Variants in CDH3 observed in about 807,000 individuals in gnomAD.
The protein encoded by CDH3 is cadherin-3.
In CDH3, 54 loss-of-function variants were observed where a neutral mutation model predicts 82.0. The ratio of observed to expected loss-of-function variants is 0.66; its 90% CI spans 0.53 to 0.83. The LOEUF (loss-of-function observed/expected upper bound fraction) is 0.83. Among genes scored for constraint, CDH3 ranks in the 40% least tolerant of loss-of-function variants. The probability of loss-of-function intolerance (pLI) is 0.00; values close to 1 mark genes in which losing one functional copy is unlikely to be tolerated. For missense variants in CDH3, 1,054 were observed against 1,084.6 expected (o/e 0.97, Z 0.40); for synonymous variants, 446 against 437.9 (o/e 1.02, Z -0.23).
downstream of CDH3, among the ~76,000 whole-genome samples, chr16:68,730,609 C>T (rs9989407): frequency 0.81 from 122,602 of 152,168 alleles, 50,154 homozygotes; most frequent in Non-Finnish European, 0.89. Flanking sequence ...TATTGAGGAA[C>T]TACTGTGAAT....
intron 2 of CDH3, among the ~76,000 whole-genome samples, chr16:68,672,665 A>T (rs1364942247): frequency 6.6e-6 from 1 of 152,198 alleles, no homozygotes; most frequent in Non-Finnish European, 1.5e-5. Flanking sequence ...GTCACAGCCC[A>T]GCACTCCTCG....
At chr16:68,684,958 C>T (rs2152102775) in intron 10 of CDH3, 134 bp downstream of exon 10, 2 of 1,265,174 alleles carry the variant, frequency 1.6e-6, no homozygotes, top group Non-Finnish European at 2.3e-6. Flanking sequence ...TTCTCTTCTT[C>T]CTACCCTCTT....
chr16:68,692,840 C>A (rs1023603077), intron 13 of CDH3, among the ~76,000 whole-genome samples: 1 of 152,192 alleles, frequency 6.6e-6, no homozygotes, highest in Non-Finnish European at 1.5e-5. Context: ...CGCAGTGGCT[C>A]ACACTTGTAA....
Position 68,698,419 on chromosome 16 carries a change from T to C in CDH3, c.*19T>C, listed in dbSNP as rs1386323666. On this transcript the variant is annotated 3_prime_UTR_variant, in exon 16 of 16. Coordinates refer to ENST00000264012, the MANE Select transcript of CDH3 (RefSeq NM_001793.6). ...CGACTAGGCGGCCTGCCTGCAGGGCTGGGGACCAAACGTCAGGCCACAGAG... is the reference window on the plus strand; with the variant it reads ...CGACTAGGCGGCCTGCCTGCAGGGCCGGGGACCAAACGTCAGGCCACAGAG... 6.2e-7 allele frequency: 1 copy of C among 1,610,860 alleles called. No homozygotes were observed.
intron 1 of CDH3, chr16:68,722,400 A>G (rs1166503992): frequency 6.6e-6 from 1 of 152,192 alleles, no homozygotes; most frequent in Non-Finnish European, 1.5e-5. Flanking sequence ...TCTAGGCCTC[A>G]TTGGAACCCT....
chr16:68,670,493 C>G (rs1361088389), intron 2 of CDH3, among the ~76,000 whole-genome samples: 1 of 152,124 alleles, frequency 6.6e-6, no homozygotes, highest in Non-Finnish European at 1.5e-5. Context: ...TGGTTTTGCT[C>G]TGTCTCCAGC....
At chr16:68,661,711 T>C (rs1019986940) in intron 2 of CDH3, among the ~76,000 whole-genome samples, 2 of 152,194 alleles carry the variant, frequency 1.3e-5, no homozygotes, top group South Asian at 2.1e-4. Context: ...ATTTTGGAGA[T>C]GGCGTCTTAC....
chr16:68,720,661 G>T (rs1163585325), intron 1 of CDH3, among the ~76,000 whole-genome samples: 1 of 150,564 alleles, frequency 6.6e-6, no homozygotes, highest in Non-Finnish European at 1.5e-5. Context: ...TGTTGCCCAG[G>T]CCGGAATGCA....
chr16:68,710,848 AG>A (rs891047123), intron 1 of CDH3, among the ~76,000 whole-genome samples: 5 of 149,242 alleles, frequency 3.4e-5, no homozygotes, highest in African/African-American at 1.2e-4. Flanking sequence ...CTGTCTCAGA[AG>A]AAAAAAGGAG....
chr16:68,659,056 G>A (rs1036898785), intron 2 of CDH3, among the ~76,000 whole-genome samples: 12 of 152,212 alleles, frequency 7.9e-5, no homozygotes, highest in Non-Finnish European at 1.3e-4. Context: ...AAAGTTCTTA[G>A]TACTTTATAT....
In CDH3 at chr16:68,698,069, C is replaced by G. The variant is rs531372816; in HGVS notation, c.2281-122C>G. 290 of 891,578 alleles carry G rather than the reference C, an allele frequency of 3.3e-4. 4 individuals carry two copies. In the South Asian group the frequency reaches 3.9e-3, roughly 12 times the overall value. The allele number at this position is 891,578 out of a possible 1,614,324, so 55.2% of individuals were successfully genotyped here. On this transcript the variant is annotated intron_variant, in intron 15 of 15. Transcript: ENST00000264012. ...ATTCTGCATGAATAACGCATTCTTT[C>G]ATTTCTACCTCCAAAACCTTTAGGG...
rs1289420097 is a variant in CDH3, at chr16:68,681,046, G to T, written c.946G>T (p.Val316Leu). Reference protein sequence around the residue: ...DGSTTTAVAVVEILDANDNAP... With the variant: ...DGSTTTAVAVLEILDANDNAP... ...CTCCACCACCACGGCAGTGGCAGTA[G>T]TGGAGATCCTTGATGCCAATGACAA... The change falls in exon 8 of 16, where the codon GTG (valine) becomes TTG (leucine). Residue 316 changes from valine (V) to leucine (L), a missense_variant. Val to Leu is a conservative substitution (Grantham distance 32, BLOSUM62 1). Transcript: ENST00000264012. The T allele has an allele frequency of 2.5e-6, 4 of 1,613,992 alleles. No homozygotes were observed. Among genetic ancestry groups the T allele is most frequent in the Non-Finnish European group, 3.4e-6 (4 of 1,180,028 alleles).
chr16:68,662,570 T>C (rs1007693012), intron 2 of CDH3, among the ~76,000 whole-genome samples: 2 of 127,970 alleles, frequency 1.6e-5, no homozygotes, highest in African/African-American at 6.0e-5. Flanking sequence ...TTTTTGGAGA[T>C]GGAGTCTTGC....
intron 2 of CDH3, chr16:68,646,073 G>A (rs1040947983): frequency 7.9e-6 from 3 of 380,732 alleles, no homozygotes; most frequent in Non-Finnish European, 1.4e-5. Context: ...AGAGGAATGC[G>A]CCGGCCACAT....
intron 2 of CDH3, among the ~76,000 whole-genome samples, chr16:68,657,739 A>AATGGGGAG (rs758042668): frequency 1.3e-5 from 2 of 152,194 alleles, no homozygotes; most frequent in African/African-American, 2.4e-5. Context: ...CTTAGGGCTA[A>AATGGGGAG]ATGGGGAGAT....
intron 10 of CDH3, among the ~76,000 whole-genome samples, 156 bp from the exon 11 acceptor site, chr16:68,685,049 C>T (rs1044824679): frequency 6.6e-6 from 1 of 152,184 alleles, no homozygotes; most frequent in Non-Finnish European, 1.5e-5. Context: ...CCTGCACCTG[C>T]TGCTTTAGGT....
rs899205735 is a variant in CDH3, at chr16:68,698,776, ATTTT to A, written c.*384_*387del. 1 of 188,816 alleles carries A rather than the reference ATTTT, an allele frequency of 5.3e-6. No individual in the cohort carries two copies. The highest frequency in any genetic ancestry group is 1.3e-4 in the South Asian group (1 of 7,854). 11.7% of individuals were successfully genotyped at this position (188,816 alleles called of 1,614,324 possible). A position where few individuals can be genotyped will look rare whatever the true frequency, so the allele number is the denominator to read the frequency against. On this transcript the variant is annotated 3_prime_UTR_variant, in exon 16 of 16. Coordinates refer to ENST00000264012, the MANE Select transcript of CDH3 (RefSeq NM_001793.6). Reference sequence around the variant, plus strand: ...TTCTTAGGCCTCCTGGTGCAACTTAATTTTTTTTTTTAATGCTATCTTCAAAACG... The same window carrying A: ...TTCTTAGGCCTCCTGGTGCAACTTAATTTTTTTAATGCTATCTTCAAAACG...
At chr16:68,673,480 T>C (rs1449395873) in intron 2 of CDH3, among the ~76,000 whole-genome samples, 1 of 149,742 alleles carries the variant, frequency 6.7e-6, no homozygotes, top group Non-Finnish European at 1.5e-5. Flanking sequence ...TTCCTTTTTT[T>C]TTTTTCTTAG....
At chr16:68,711,364 AAGAAAG>A (rs1353120432) in intron 1 of CDH3, among the ~76,000 whole-genome samples, 1 of 141,728 alleles carries the variant, frequency 7.1e-6, no homozygotes, top group East Asian at 2.1e-4. Context: ...AAAAGGAAAG[AAGAAAG>A]AAAGAGAAAG....
Sources: allele counts gnomAD v4.1 joint callset (sites outside exome capture counted in the v4.1 genomes callset), GRCh38; gene constraint gnomAD v4.1.1; transcripts MANE v1.5; gene names NCBI Gene and HGNC (gene_info 2026-07-23, HGNC 2026-07-21).